MED12L: variants seen among roughly 807,000 people sequenced by gnomAD.
MED12L encodes the protein mediator of RNA polymerase II transcription subunit 12-like protein.
Under a neutral mutation model 281.3 loss-of-function variants are expected in MED12L, and 60 were observed. That is an observed-to-expected ratio of 0.21 (90% confidence interval 0.17 to 0.26). The LOEUF (loss-of-function observed/expected upper bound fraction) is 0.26, where lower values mean the gene tolerates loss of function less well. MED12L is among the 10% of genes least tolerant of loss of function. MED12L has a pLI of 1.00. For missense variants in MED12L, 2,146 were observed against 2,680.9 expected (o/e 0.80, Z 4.41); for synonymous variants, 974 against 987.2 (o/e 0.99, Z 0.25).
intron 6 of MED12L, 114 bp from the exon 7 acceptor site, chr3:151,158,575 T>G: frequency 1.6e-6 from 1 of 633,308 alleles, no homozygotes; most frequent in South Asian, 2.2e-5. Flanking sequence ...AATGAGACTA[T>G]GTTTAACAAC....
At chr3:151,383,632 G>A (rs538270629) in intron 33 of MED12L, 147 bp from the exon 34 acceptor site, 9 of 575,538 alleles carry the variant, frequency 1.6e-5, no homozygotes, top group Admixed American at 1.1e-4. Context: ...AAACATGTAG[G>A]TAAAAGAGAA....
chr3:151,291,275 T>G (rs1271272050), intron 16 of MED12L, among the ~76,000 whole-genome samples: 1 of 150,830 alleles, frequency 6.6e-6, no homozygotes, highest in Non-Finnish European at 1.5e-5. Flanking sequence ...ACACACAAAA[T>G]TTTGACGTAT....
intron 16 of MED12L, among the ~76,000 whole-genome samples, chr3:151,218,279 T>G (rs2149250681): frequency 6.6e-6 from 1 of 152,336 alleles, no homozygotes; most frequent in East Asian, 1.9e-4. Context: ...TACCAGCTCA[T>G]GCCAGTCCAT....
chr3:151,185,574 A>G, intron 12 of MED12L, 113 bp downstream of exon 12: 3 of 1,159,338 alleles, frequency 2.6e-6, no homozygotes, highest in South Asian at 1.8e-5. Context: ...TGAGGAAAAA[A>G]GGGAGGATGT....
Position 151,372,632 on chromosome 3 carries a change from T to G in MED12L, c.3730T>G (p.Leu1244Val). 1 of 1,613,968 alleles carries G rather than the reference T, an allele frequency of 6.2e-7. No individual in the cohort carries two copies. The highest frequency in any genetic ancestry group is 8.5e-7 in the Non-Finnish European group (1 of 1,179,876). Residue 1244 changes from leucine to valine, a missense_variant, in exon 27 of 45, where the codon TTG (leucine) becomes GTG (valine). Around this residue, in one of 9 missense-constraint regions of MED12L, gnomAD observed 235 missense variants for 260.3 expected, o/e 0.90. Coordinates refer to ENST00000687756, the MANE Select transcript of MED12L (RefSeq NM_001393769.1). ...GAATGATGACTTCACCATGAGAGGT[T>G]TGCGATGTGATGGGAATGCTGATGA... ...LKNDDFTMRGLRCDGNADDIW... is the reference protein window; with the variant it reads ...LKNDDFTMRGVRCDGNADDIW...
chr3:151,275,802 G>T (rs188563434), intron 16 of MED12L, among the ~76,000 whole-genome samples: 1 of 152,290 alleles, frequency 6.6e-6, no homozygotes, highest in Admixed American at 6.5e-5. Context: ...TAGTTTGGTT[G>T]TAGGTATTTT....
chr3:151,194,155 C>A lies in MED12L; in HGVS notation c.2250+489C>A, dbSNP rs574419404. 5.9e-4 allele frequency among the ~76,000 whole-genome samples: 90 copies of A among 152,042 alleles called. No homozygotes were observed. In the South Asian group the frequency reaches 9.8e-3, roughly 16 times the overall value. On this transcript the variant is annotated intron_variant, in intron 16 of 44. Coordinates refer to ENST00000687756, the MANE Select transcript of MED12L (RefSeq NM_001393769.1). ...TAATTTTTTGTCTTTTTAGTAGAGA[C>A]AGGTTTTCACCATTTTGGGCAGGCT... is the stretch of plus-strand genomic sequence containing the variant.
At chr3:151,228,278 A>C (rs1394190557) in intron 16 of MED12L, among the ~76,000 whole-genome samples, 1 of 149,188 alleles carries the variant, frequency 6.7e-6, no homozygotes, top group African/African-American at 2.4e-5. Flanking sequence ...TTTGTGTATC[A>C]GTTTTTACAT....
intron 6 of MED12L, among the ~76,000 whole-genome samples, chr3:151,158,169 C>G (rs937753245): frequency 4.0e-5 from 6 of 151,830 alleles, no homozygotes; most frequent in African/African-American, 1.2e-4. Flanking sequence ...TCATAAATTC[C>G]TTTCATTTCT....
chr3:151,096,823 T>C (rs1329252972), intron 2 of MED12L, among the ~76,000 whole-genome samples: 4 of 152,350 alleles, frequency 2.6e-5, no homozygotes, highest in Middle Eastern at 6.8e-3. Context: ...CTTGCAACTT[T>C]ACTTGGCCTG....
intron 5 of MED12L, among the ~76,000 whole-genome samples, chr3:151,136,316 G>C (rs1396820168): frequency 6.6e-6 from 1 of 152,188 alleles, no homozygotes; most frequent in Non-Finnish European, 1.5e-5. Context: ...TGAAGACATT[G>C]CATACTAACT....
intron 5 of MED12L, among the ~76,000 whole-genome samples, chr3:151,142,868 C>G (rs1272905280): frequency 6.6e-6 from 1 of 150,922 alleles, no homozygotes; most frequent in Admixed American, 6.6e-5. Context: ...AAGTCATTTT[C>G]CAAATGTGTA....
chr3:151,412,728 A>G (rs1277083963), intron 41 of MED12L, among the ~76,000 whole-genome samples: 1 of 152,332 alleles, frequency 6.6e-6, no homozygotes, highest in South Asian at 2.1e-4. Flanking sequence ...TGCTTTCTTA[A>G]TAAGTTACCT....
At position 151,248,634 on chromosome 3, in the gene MED12L, C is replaced by A. The variant is rs189297719; in HGVS notation, c.2250+54968C>A. 3.1e-4 allele frequency among the ~76,000 whole-genome samples: 47 copies of A among 152,044 alleles called. 1 individual carries two copies. Among genetic ancestry groups the A allele is most frequent in the African/African-American group, 9.2e-4 (38 of 41,468 alleles). ...ATTTCCTAATGCCTAATGTACAAGC[C>A]CCATGAAAGGAAATCATGCCTTATC... On this transcript the variant is annotated intron_variant, in intron 16 of 44. Coordinates refer to ENST00000687756, the MANE Select transcript of MED12L (RefSeq NM_001393769.1).
chr3:151,257,397 C>T (rs1194132761), intron 16 of MED12L, among the ~76,000 whole-genome samples: 2 of 152,210 alleles, frequency 1.3e-5, no homozygotes, highest in East Asian at 3.8e-4. Flanking sequence ...TGATTAAGAG[C>T]ATTGTCTCCA....
chr3:151,326,643 C>T (rs1025924929), intron 16 of MED12L: 2 of 152,038 alleles, frequency 1.3e-5, no homozygotes, highest in Non-Finnish European at 2.9e-5. Context: ...GAAATTTATA[C>T]AAGAGTATAA....
At chr3:151,375,520 T>C (rs1466905509) in intron 27 of MED12L, among the ~76,000 whole-genome samples, 1 of 152,160 alleles carries the variant, frequency 6.6e-6, no homozygotes, top group East Asian at 1.9e-4. Context: ...AAGAAAATTA[T>C]TGTATAAAAA....
chr3:151,302,781 T>C (rs1007827778), intron 16 of MED12L, among the ~76,000 whole-genome samples: 2 of 152,194 alleles, frequency 1.3e-5, no homozygotes, highest in Non-Finnish European at 2.9e-5. Flanking sequence ...ATCTCTTTCA[T>C]AAGGTCGTTT....
chr3:151,207,034 T>C (rs1321474522), intron 16 of MED12L, among the ~76,000 whole-genome samples: 1 of 151,660 alleles, frequency 6.6e-6, no homozygotes, highest in East Asian at 1.9e-4. Flanking sequence ...ATCTCCCTTT[T>C]CCTAGCCATG....
Sources: gnomAD v4.1 joint callset for allele counts (sites outside exome capture counted in the v4.1 genomes callset) on GRCh38, gnomAD v4.1.1 for gene constraint, gnomAD v4.1.1 regional missense constraint, MANE v1.5 for transcripts, NCBI Gene and HGNC (gene_info 2026-07-23, HGNC 2026-07-21) for gene names.